SRRM4: variants seen among roughly 807,000 people sequenced by gnomAD.
SRRM4 encodes serine/arginine repetitive matrix 4, also known as serine/arginine repetitive matrix protein 4.
A neutral mutation model predicts 68.9 loss-of-function variants in SRRM4; 33 were observed. That is an observed-to-expected ratio of 0.48 (90% CI 0.36 to 0.64). The LOEUF is 0.64. Among genes scored for constraint, SRRM4 ranks in the 30% least tolerant of loss-of-function variants. The probability of loss-of-function intolerance (pLI) is 0.00; values close to 1 mark genes in which losing one functional copy is unlikely to be tolerated. For synonymous variants in SRRM4, 318 were observed against 318.8 expected (o/e 1.00, Z 0.03); for missense variants, 817 against 827.1 (o/e 0.99, Z 0.15).
chr12:119,073,727 C>T (rs532567986), intron 1 of SRRM4, among the ~76,000 whole-genome samples: 28 of 152,220 alleles, frequency 1.8e-4, no homozygotes, highest in Middle Eastern at 3.4e-3. Context: ...CTCAAGCAAC[C>T]CTCCTACCTC....
In SRRM4 at chr12:119,047,030, TA is replaced by T. The variant is rs11415940; in HGVS notation, c.132-55187del. On this transcript the variant is annotated intron_variant, in intron 1 of 12. Transcript: ENST00000267260. ...CTGGGTGACAGAGTGAGATCCCGTC[TA>T]AAAAAAAAAAAAAAAAAAGTGTGGA... Among the ~76,000 whole-genome samples, 397 of 122,180 alleles carry T rather than the reference TA, an allele frequency of 3.2e-3. 2 individuals carry two copies. The highest frequency in any genetic ancestry group is 9.8e-3 in the African/African-American group (312 of 31,710). The allele number at this position is 122,180 out of a possible 152,430, so 80.2% of individuals were successfully genotyped here.
At chr12:119,097,241 A>G (rs142372122) in intron 1 of SRRM4, among the ~76,000 whole-genome samples, 2 of 152,312 alleles carry the variant, frequency 1.3e-5, no homozygotes, top group African/African-American at 4.8e-5. Flanking sequence ...GGAGGTAGGG[A>G]AGGGAGATAG....
At chr12:119,041,300 T>C (rs1953667450) in intron 1 of SRRM4, among the ~76,000 whole-genome samples, 1 of 152,144 alleles carries the variant, frequency 6.6e-6, no homozygotes, top group African/African-American at 2.4e-5. Context: ...CACCTCTAAA[T>C]TAATATGATT....
intron 1 of SRRM4, among the ~76,000 whole-genome samples, chr12:118,998,548 C>A (rs544698748): frequency 3.3e-4 from 50 of 152,298 alleles, no homozygotes; most frequent in Middle Eastern, 3.4e-3. Flanking sequence ...ACATTTACTA[C>A]GCTGTTGGTG....
chr12:119,102,134 T>C, intron 1 of SRRM4, 102 bp from the exon 2 acceptor site: 1 of 1,213,944 alleles, frequency 8.2e-7, no homozygotes, highest in Non-Finnish European at 1.1e-6. Context: ...AACCTAACTG[T>C]AAGGGAAGCT....
At chr12:119,073,312 C>CTTTTTTTTTTTTTTTTTTTTTTTTT (rs71451813) in intron 1 of SRRM4, among the ~76,000 whole-genome samples, 1 of 103,122 alleles carries the variant, frequency 9.7e-6, no homozygotes. Flanking sequence ...TCTCTCTCCT[C>CTTTTTTTTTTTTTTTTTTTTTTTTT]TTTTTTTTTT....
chr12:119,019,947 GCT>G (rs1953504240), intron 1 of SRRM4, among the ~76,000 whole-genome samples: 6 of 37,870 alleles, frequency 1.6e-4, no homozygotes, highest in Non-Finnish European at 2.9e-4. Flanking sequence ...AGTTCCCCCC[GCT>G]CCCCCCCCCC....
intron 2 of SRRM4, among the ~76,000 whole-genome samples, chr12:119,106,751 G>A (rs978875983): frequency 3.9e-5 from 6 of 152,192 alleles, no homozygotes; most frequent in African/African-American, 1.4e-4. Flanking sequence ...CATGTCATCT[G>A]CAAACAGGGA....
chr12:119,123,741 A>G (rs1954238499), intron 6 of SRRM4, among the ~76,000 whole-genome samples: 1 of 152,262 alleles, frequency 6.6e-6, no homozygotes, highest in Non-Finnish European at 1.5e-5. Context: ...CTTCTAGGCA[A>G]GTGGCTGCTG....
intron 1 of SRRM4, among the ~76,000 whole-genome samples, chr12:118,988,220 A>G (rs1953295158): frequency 1.3e-5 from 2 of 152,184 alleles, no homozygotes; most frequent in African/African-American, 4.8e-5. Context: ...GATCTGCAAA[A>G]TGGGGATGAT....
At chr12:119,133,966 G>A (rs61938054) in intron 8 of SRRM4, among the ~76,000 whole-genome samples, 34,433 of 151,924 alleles carry the variant, frequency 0.23, 3,949 homozygotes, top group Middle Eastern at 0.24. Context: ...GGGCAGAGAA[G>A]GTAACAATTA....
chr12:119,125,290 A>C, intron 6 of SRRM4, 91 bp from the exon 7 acceptor site: 1 of 1,215,476 alleles, frequency 8.2e-7, no homozygotes. Context: ...AGTGCAAAGG[A>C]AAAACGGGTG....
chr12:119,117,205 C>T (rs1205854565), intron 4 of SRRM4, among the ~76,000 whole-genome samples, 197 bp downstream of exon 4: 1 of 152,088 alleles, frequency 6.6e-6, no homozygotes, highest in Non-Finnish European at 1.5e-5. Flanking sequence ...TAACTGAGGC[C>T]AGAGGAGGAC....
In SRRM4 at chr12:119,156,865, C is replaced by T. The variant is rs1283417915; in HGVS notation, c.*67C>T. The T allele has an allele frequency of 6.9e-7, 1 of 1,456,440 alleles. No homozygotes were observed. Among genetic ancestry groups the T allele is most frequent in the East Asian group, 2.5e-5 (1 of 40,176 alleles). 90.2% of individuals were successfully genotyped at this position (1,456,440 alleles called of 1,614,324 possible). On this transcript the variant is annotated 3_prime_UTR_variant, in exon 13 of 13. Coordinates refer to ENST00000267260, the MANE Select transcript of SRRM4 (RefSeq NM_194286.4). Reference sequence around the variant, plus strand: ...CCAGCCTCCCCCAACCACCTGCCCTCCCCGCCTTCTTGGTGACAAATAGTG... The same window carrying T: ...CCAGCCTCCCCCAACCACCTGCCCTTCCCGCCTTCTTGGTGACAAATAGTG...
intron 1 of SRRM4, among the ~76,000 whole-genome samples, chr12:119,096,791 G>A (rs1003093988): frequency 5.3e-5 from 8 of 152,216 alleles, no homozygotes; most frequent in Non-Finnish European, 1.0e-4. Context: ...ACCCAATGCT[G>A]GGCCAAATGA....
intron 9 of SRRM4, among the ~76,000 whole-genome samples, chr12:119,147,333 A>G (rs1954409765): frequency 6.6e-6 from 1 of 152,228 alleles, no homozygotes; most frequent in African/African-American, 2.4e-5. Context: ...TAGGCAGAGC[A>G]CAGAGGATTT....
At chr12:119,072,852 C>G (rs1001982798) in intron 1 of SRRM4, among the ~76,000 whole-genome samples, 10 of 152,196 alleles carry the variant, frequency 6.6e-5, no homozygotes, top group African/African-American at 2.2e-4. Flanking sequence ...ATTCCTACCC[C>G]CATTGTACAG....
chr12:119,149,261 T>C (rs1954423529), intron 9 of SRRM4, among the ~76,000 whole-genome samples: 1 of 152,070 alleles, frequency 6.6e-6, no homozygotes, highest in Non-Finnish European at 1.5e-5. Context: ...GGCAGGAGAA[T>C]CGCTTGAACC....
chr12:119,127,115 T>G (rs11832548), intron 7 of SRRM4, among the ~76,000 whole-genome samples: 14,397 of 148,270 alleles, frequency 0.097, 800 homozygotes, highest in Middle Eastern at 0.16. Context: ...TGCTAGATGA[T>G]GAGTTAGTGG....
Sources: allele counts gnomAD v4.1 joint callset (sites outside exome capture counted in the v4.1 genomes callset), GRCh38; gene constraint gnomAD v4.1.1; transcripts MANE v1.5; gene names NCBI Gene and HGNC (gene_info 2026-07-23, HGNC 2026-07-21).